PLPP4: variants seen among roughly 807,000 people sequenced by gnomAD.
PLPP4 encodes the protein phospholipid phosphatase 4.
PLPP4 carries 20 observed loss-of-function variants against 32.2 expected under a neutral mutation model. The ratio of observed to expected loss-of-function variants is 0.62; its 90% CI spans 0.44 to 0.90. The LOEUF (loss-of-function observed/expected upper bound fraction) is 0.90, where lower values mean the gene tolerates loss of function less well. PLPP4 is among the 40% of genes least tolerant of loss of function. PLPP4 has a pLI of 0.00. For missense variants in PLPP4, 257 were observed against 353.1 expected (o/e 0.73, Z 2.18); for synonymous variants, 127 against 133.0 (o/e 0.95, Z 0.31).
intron 5 of PLPP4, among the ~76,000 whole-genome samples, chr10:120,563,526 C>T (rs907228647): frequency 3.3e-5 from 5 of 149,384 alleles, no homozygotes; most frequent in East Asian, 1.9e-4. Flanking sequence ...TTAGGCCGGG[C>T]GCGGTGGCTC....
intron 5 of PLPP4, among the ~76,000 whole-genome samples, chr10:120,552,946 A>G (rs1466096080): frequency 1.3e-5 from 2 of 152,210 alleles, no homozygotes; most frequent in East Asian, 3.9e-4. Context: ...CACCATAGGT[A>G]GCACTTCTGC....
intron 1 of PLPP4, among the ~76,000 whole-genome samples, chr10:120,490,402 T>G (rs150551065): frequency 6.6e-6 from 1 of 152,360 alleles, no homozygotes; most frequent in African/African-American, 2.4e-5. Context: ...GCTCCTTATC[T>G]GCTTAAAAAA....
chr10:120,486,868 C>T (rs1844482394), intron 1 of PLPP4, among the ~76,000 whole-genome samples: 2 of 152,296 alleles, frequency 1.3e-5, no homozygotes, highest in African/African-American at 2.4e-5. Flanking sequence ...ATCTACTTTG[C>T]CTGCCTTAAG....
In PLPP4 at chr10:120,503,968, A is replaced by G. The variant is rs758821265; in HGVS notation, c.165+42A>G. 2.3e-6 allele frequency: 3 copies of G among 1,329,642 alleles called. No individual in the cohort carries two copies. In the South Asian group the frequency reaches 3.6e-5, roughly 16 times the overall value. The allele number at this position is 1,329,642 out of a possible 1,614,324, so 82.4% of individuals were successfully genotyped here. The stretch of plus-strand genomic sequence containing the variant: ...CATTCCTTATTTGACTGCTCTCTCA[A>G]AGATGAACCAAATGGGTTTTCATCT... On this transcript the variant is annotated intron_variant, in intron 2 of 6. Coordinates refer to ENST00000398250, the MANE Select transcript of PLPP4 (RefSeq NM_001030059.3).
chr10:120,546,619 G>T (rs901596373), intron 5 of PLPP4, among the ~76,000 whole-genome samples: 2 of 152,106 alleles, frequency 1.3e-5, no homozygotes, highest in African/African-American at 4.8e-5. Context: ...TCCTTGCCCT[G>T]GTCTGTGGCT....
At chr10:120,584,586 T>G (rs1849667263) in intron 6 of PLPP4, among the ~76,000 whole-genome samples, 1 of 152,242 alleles carries the variant, frequency 6.6e-6, no homozygotes, top group African/African-American at 2.4e-5. Context: ...TCTAGTTGAT[T>G]TGGGGCAAAG....
chr10:120,519,341 T>C (rs1846059256), intron 4 of PLPP4, among the ~76,000 whole-genome samples: 1 of 152,118 alleles, frequency 6.6e-6, no homozygotes, highest in Non-Finnish European at 1.5e-5. Flanking sequence ...TTTCCATTTA[T>C]CTTTCCTTCT....
chr10:120,553,759 G>A (rs1848019483), intron 5 of PLPP4, among the ~76,000 whole-genome samples: 1 of 152,158 alleles, frequency 6.6e-6, no homozygotes, highest in African/African-American at 2.4e-5. Context: ...CTATACCTTG[G>A]CCACTTTAAG....
intron 5 of PLPP4, among the ~76,000 whole-genome samples, chr10:120,561,374 A>G (rs1476932561): frequency 6.6e-6 from 1 of 152,080 alleles, no homozygotes; most frequent in African/African-American, 2.4e-5. Context: ...GGCACCATTT[A>G]TTGATATTCA....
At chr10:120,483,266 C>T (rs1465329335) in intron 1 of PLPP4, among the ~76,000 whole-genome samples, 1 of 152,170 alleles carries the variant, frequency 6.6e-6, no homozygotes, top group African/African-American at 2.4e-5. Flanking sequence ...CCTGCTGATC[C>T]ACCACTGGCT....
At chr10:120,464,792 A>ACATCC (rs1564774219) in intron 1 of PLPP4, among the ~76,000 whole-genome samples, 1 of 152,232 alleles carries the variant, frequency 6.6e-6, no homozygotes, top group African/African-American at 2.4e-5. Context: ...ATTAGAAGCC[A>ACATCC]CATCCAGGGA....
chr10:120,516,416 A>G (rs911740335), intron 3 of PLPP4, among the ~76,000 whole-genome samples: 1 of 152,238 alleles, frequency 6.6e-6, no homozygotes, highest in Non-Finnish European at 1.5e-5. Context: ...GGTTTGCCCC[A>G]TGCAGCATTG....
At chr10:120,575,935 G>T (rs1849203235) in intron 6 of PLPP4, among the ~76,000 whole-genome samples, 1 of 152,196 alleles carries the variant, frequency 6.6e-6, no homozygotes, top group South Asian at 2.1e-4. Flanking sequence ...CTGTCTGAAA[G>T]ACAACCACCA....
At chr10:120,523,986 G>C (rs1363871196) in intron 5 of PLPP4, among the ~76,000 whole-genome samples, 2 of 152,166 alleles carry the variant, frequency 1.3e-5, no homozygotes, top group South Asian at 4.1e-4. Context: ...AGCATTTTCC[G>C]ACATGGCTGG....
chr10:120,457,193 C>A, upstream of PLPP4: 1 of 733,702 alleles, frequency 1.4e-6, no homozygotes, highest in Non-Finnish European at 1.8e-6. Context: ...CCCCCGCCCG[C>A]GGCCTGGAGC....
chr10:120,478,976 C>A (rs1275368132), intron 1 of PLPP4, among the ~76,000 whole-genome samples: 1 of 152,218 alleles, frequency 6.6e-6, no homozygotes, highest in African/African-American at 2.4e-5. Flanking sequence ...CCTGTAATCC[C>A]AGCACTTTGG....
At chr10:120,483,362 T>A (rs1170666285) in intron 1 of PLPP4, among the ~76,000 whole-genome samples, 1 of 152,212 alleles carries the variant, frequency 6.6e-6, no homozygotes, top group Non-Finnish European at 1.5e-5. Context: ...AACTCCCCAT[T>A]CATATATACG....
At position 120,462,737 on chromosome 10, in the gene PLPP4, C is replaced by T. The variant is rs143180246; in HGVS notation, c.56+5376C>T. ...AGGCTAACTGAATTAAAATAGAGAT[C>T]GAGGCCCGCAGAATCTGCATTTTGA... is the stretch of plus-strand genomic sequence containing the variant. On this transcript the variant is annotated intron_variant, in intron 1 of 6. Transcript: ENST00000398250. Among the ~76,000 whole-genome samples the T allele has an allele frequency of 5.1e-4, 77 of 151,538 alleles. No homozygotes were observed. In the East Asian group the frequency reaches 0.012, roughly 24 times the overall value.
intron 5 of PLPP4, among the ~76,000 whole-genome samples, chr10:120,556,146 G>A (rs1430632953): frequency 1.3e-5 from 2 of 152,208 alleles, no homozygotes; most frequent in African/African-American, 4.8e-5. Context: ...ATATGTATGT[G>A]TATTTTAACA....
Sources: gnomAD v4.1 joint callset for allele counts (sites outside exome capture counted in the v4.1 genomes callset) on GRCh38, gnomAD v4.1.1 for gene constraint, MANE v1.5 for transcripts, NCBI Gene and HGNC (gene_info 2026-07-23, HGNC 2026-07-21) for gene names.